The following DOCK2 variants were observed in gnomAD, a reference collection of about 807,000 sequenced individuals.
The protein encoded by DOCK2 is dedicator of cytokinesis 2, also known as dedicator of cytokinesis protein 2.
DOCK2 carries 87 observed loss-of-function variants against 248.9 expected under a neutral mutation model. The observed-to-expected ratio is 0.35, with a 90% CI of 0.29 to 0.42. The LOEUF is 0.42. DOCK2 is among the 10% of genes least tolerant of loss of function. DOCK2 has a pLI of 1.00. For missense variants in DOCK2, 1,747 were observed against 2,300.2 expected (o/e 0.76, Z 4.92); for synonymous variants, 805 against 821.6 (o/e 0.98, Z 0.35).
intron 27 of DOCK2, among the ~76,000 whole-genome samples, chr5:169,906,738 AG>A (rs1411334454): frequency 6.6e-6 from 1 of 152,146 alleles, no homozygotes; most frequent in Non-Finnish European, 1.5e-5. Context: ...GCCAAATCAC[AG>A]GGAAGACCAT....
chr5:169,995,960 C>T lies in DOCK2; in HGVS notation c.2994-126C>T, dbSNP rs1443560517. 3.3e-6 allele frequency: 3 copies of T among 921,412 alleles called. No homozygotes were observed. The East Asian group carries it at 7.6e-5, about 23-fold the overall frequency. The allele number at this position is 921,412 out of a possible 1,614,324, so 57.1% of individuals were successfully genotyped here. On this transcript the variant is annotated intron_variant, in intron 29 of 51. Coordinates refer to ENST00000520908, the MANE Select transcript of DOCK2 (RefSeq NM_004946.3). ...TGTTAATCTGCATTAGCTGACCTCT[C>T]TAAATCAGTAATTTGGCCTTTGAGC...
intron 27 of DOCK2, among the ~76,000 whole-genome samples, chr5:169,876,600 C>T (rs17670189): frequency 0.1 from 15,236 of 152,228 alleles, 942 homozygotes; most frequent in Admixed American, 0.17. Context: ...CTCTCTGAGT[C>T]ATCAAAGAAA....
At chr5:169,808,924 A>C (rs1333060343) in intron 26 of DOCK2, among the ~76,000 whole-genome samples, 1 of 151,960 alleles carries the variant, frequency 6.6e-6, no homozygotes, top group East Asian at 1.9e-4. Flanking sequence ...AAAGTATTTG[A>C]GTCTATTGGC....
chr5:169,677,141 A>G (rs1293289471), intron 6 of DOCK2, among the ~76,000 whole-genome samples: 1 of 152,166 alleles, frequency 6.6e-6, no homozygotes, highest in Non-Finnish European at 1.5e-5. Flanking sequence ...AGGAAACAAC[A>G]GCTGCCTATG....
At chr5:169,845,602 T>G (rs78246551) in intron 27 of DOCK2, among the ~76,000 whole-genome samples, 2,126 of 152,310 alleles carry the variant, frequency 0.014, 32 homozygotes, top group Middle Eastern at 0.037. Context: ...CCCCTCAGAT[T>G]GCTCTTCCTT....
intron 2 of DOCK2, among the ~76,000 whole-genome samples, chr5:169,657,065 A>G (rs562296920): frequency 1.3e-5 from 2 of 152,252 alleles, no homozygotes; most frequent in Non-Finnish European, 2.9e-5. Context: ...AGTGTTTGGA[A>G]GTCTGCTAGA....
intron 9 of DOCK2, 97 bp downstream of exon 9, chr5:169,689,430 G>C (rs1760169331): frequency 2.4e-6 from 3 of 1,272,194 alleles, no homozygotes; most frequent in African/African-American, 2.9e-5. Context: ...AAGTGTGGCT[G>C]TCCTGCAGAG....
chr5:170,026,788 C>T (rs1755932856), intron 33 of DOCK2, among the ~76,000 whole-genome samples: 1 of 152,212 alleles, frequency 6.6e-6, no homozygotes, highest in Non-Finnish European at 1.5e-5. Flanking sequence ...TTTGGTGGAA[C>T]TGTAAATGGA....
chr5:169,792,418 GTATACA>G (rs2113071685), intron 25 of DOCK2, among the ~76,000 whole-genome samples: 1 of 149,570 alleles, frequency 6.7e-6, no homozygotes, highest in African/African-American at 2.5e-5. Context: ...TTTTATATAT[GTATACA>G]TGTATATGTG....
chr5:169,720,511 G>A (rs1015112892), intron 22 of DOCK2, among the ~76,000 whole-genome samples: 1 of 150,672 alleles, frequency 6.6e-6, no homozygotes, highest in Non-Finnish European at 1.5e-5. Context: ...CAAGGATTGA[G>A]CTTCTTTACA....
intron 33 of DOCK2, among the ~76,000 whole-genome samples, chr5:170,022,560 C>T (rs2113825252): frequency 6.6e-6 from 1 of 152,268 alleles, no homozygotes; most frequent in South Asian, 2.1e-4. Flanking sequence ...CCCTGGTACA[C>T]CACATGATTC....
chr5:169,846,861 C>A (rs1290631843), intron 27 of DOCK2, among the ~76,000 whole-genome samples: 1 of 151,906 alleles, frequency 6.6e-6, no homozygotes, highest in Admixed American at 6.6e-5. Context: ...TCCACCCTCC[C>A]CCTTCTGAGT....
intron 22 of DOCK2, among the ~76,000 whole-genome samples, chr5:169,721,666 C>T (rs1486179817): frequency 6.6e-6 from 1 of 152,214 alleles, no homozygotes; most frequent in Non-Finnish European, 1.5e-5. Context: ...GCGGATCTAG[C>T]TCCCATTATT....
At chr5:169,768,471 T>C (rs1031721315) in intron 25 of DOCK2, among the ~76,000 whole-genome samples, 16 of 152,226 alleles carry the variant, frequency 1.1e-4, no homozygotes, top group African/African-American at 3.6e-4. Context: ...TGCCTCACCA[T>C]TCCTCCTGAA....
intron 30 of DOCK2, among the ~76,000 whole-genome samples, chr5:170,006,980 C>T (rs1040424064): frequency 2.0e-5 from 3 of 152,200 alleles, no homozygotes; most frequent in Non-Finnish European, 2.9e-5. Context: ...GGAATAAGAG[C>T]TGTCAAGTGT....
At chr5:169,761,482 G>T in intron 24 of DOCK2, 37 bp from the exon 25 acceptor site, 3 of 1,551,320 alleles carry the variant, frequency 1.9e-6, no homozygotes, top group Non-Finnish European at 2.7e-6. Flanking sequence ...ACATGGGTCT[G>T]CCTTGCTCTA....
intron 26 of DOCK2, among the ~76,000 whole-genome samples, chr5:169,833,639 A>G (rs1484193145): frequency 1.3e-5 from 2 of 152,176 alleles, no homozygotes; most frequent in African/African-American, 4.8e-5. Flanking sequence ...AATAAAGAAG[A>G]AAAAAACAGA....
chr5:169,859,656 T>C (rs1771074308), intron 27 of DOCK2, among the ~76,000 whole-genome samples: 1 of 152,264 alleles, frequency 6.6e-6, no homozygotes, highest in African/African-American at 2.4e-5. Flanking sequence ...TTATGCTTCC[T>C]GGAATGGCCC....
At chr5:169,875,527 C>A (rs1772273883) in intron 27 of DOCK2, 3 of 292,502 alleles carry the variant, frequency 1.0e-5, no homozygotes, top group Non-Finnish European at 1.4e-5. Context: ...GAAGACAGAA[C>A]TGTGTTCTGC....
Sources: gnomAD v4.1 joint callset for allele counts (sites outside exome capture counted in the v4.1 genomes callset) on GRCh38, gnomAD v4.1.1 for gene constraint, MANE v1.5 for transcripts, NCBI Gene and HGNC (gene_info 2026-07-23, HGNC 2026-07-21) for gene names.